The following GPC6 variants were observed in gnomAD, a reference collection of about 807,000 sequenced individuals.
GPC6 encodes the protein glypican-6.
A neutral mutation model predicts 55.2 loss-of-function variants in GPC6; 14 were observed. The observed-to-expected ratio is 0.25, with a 90% CI of 0.17 to 0.40. The LOEUF is 0.40. Ranked by LOEUF, GPC6 falls within the 10% of genes least tolerant of loss-of-function variation. The pLI is 1.00. For missense variants in GPC6, 641 were observed against 708.5 expected (o/e 0.90, Z 1.08); for synonymous variants, 278 against 259.6 (o/e 1.07, Z -0.68).
intron 2 of GPC6, among the ~76,000 whole-genome samples, chr13:93,574,014 T>C (rs921457268): frequency 1.3e-5 from 2 of 152,144 alleles, no homozygotes; most frequent in South Asian, 4.1e-4. Flanking sequence ...ATGCTGTTTT[T>C]ATGGGAGGTG....
At chr13:93,773,101 G>GA (rs1208391262) in intron 2 of GPC6, among the ~76,000 whole-genome samples, 1 of 151,702 alleles carries the variant, frequency 6.6e-6, no homozygotes, top group Non-Finnish European at 1.5e-5. Flanking sequence ...TCAGCAAAAA[G>GA]AAAAAAGAAA....
intron 3 of GPC6, among the ~76,000 whole-genome samples, chr13:93,898,002 G>T (rs113627322): frequency 3.3e-5 from 5 of 152,264 alleles, no homozygotes; most frequent in African/African-American, 1.2e-4. Context: ...TAAACAGCAA[G>T]ATGGCAGCTG....
At chr13:94,015,324 A>G (rs371974729) in intron 3 of GPC6, among the ~76,000 whole-genome samples, 1 of 152,220 alleles carries the variant, frequency 6.6e-6, no homozygotes, top group African/African-American at 2.4e-5. Context: ...CCATTTGCGT[A>G]TCTTCTTTGG....
intron 3 of GPC6, among the ~76,000 whole-genome samples, chr13:93,887,502 A>C (rs1875410978): frequency 6.6e-6 from 1 of 152,136 alleles, no homozygotes; most frequent in South Asian, 2.1e-4. Context: ...ATTCTGTCTT[A>C]CGTGTTATAT....
intron 3 of GPC6, among the ~76,000 whole-genome samples, chr13:94,012,699 T>C (rs1258872716): frequency 6.6e-6 from 1 of 152,188 alleles, no homozygotes; most frequent in Non-Finnish European, 1.5e-5. Flanking sequence ...GCTGTACATG[T>C]TCCTGAGAGA....
intron 1 of GPC6, among the ~76,000 whole-genome samples, chr13:93,268,799 C>T (rs1410349348): frequency 6.6e-6 from 1 of 152,008 alleles, no homozygotes; most frequent in East Asian, 1.9e-4. Context: ...CTCAACCTTC[C>T]ACTCCCAATC....
intron 1 of GPC6, among the ~76,000 whole-genome samples, chr13:93,232,726 T>G (rs1876103309): frequency 6.6e-6 from 1 of 152,160 alleles, no homozygotes; most frequent in Non-Finnish European, 1.5e-5. Context: ...GTGACTAGTG[T>G]TCTTTTAAAA....
chr13:93,298,695 G>A (rs1004037996), intron 1 of GPC6, among the ~76,000 whole-genome samples: 3 of 151,426 alleles, frequency 2.0e-5, no homozygotes, highest in Admixed American at 6.6e-5. Flanking sequence ...CAATTGGCCC[G>A]CCTCAGCCTC....
chr13:93,687,393 A>G (rs1594372369), intron 2 of GPC6, among the ~76,000 whole-genome samples: 1 of 152,100 alleles, frequency 6.6e-6, no homozygotes, highest in Non-Finnish European at 1.5e-5. Flanking sequence ...AAGTAAGCCA[A>G]TTTATGGCTG....
At chr13:93,287,060 A>G (rs558897601) in intron 1 of GPC6, among the ~76,000 whole-genome samples, 1 of 152,326 alleles carries the variant, frequency 6.6e-6, no homozygotes, top group South Asian at 2.1e-4. Context: ...TATGAGGCAT[A>G]TTTGAAACAT....
chr13:94,074,517 T>C (rs1884841762), intron 4 of GPC6, among the ~76,000 whole-genome samples: 1 of 152,234 alleles, frequency 6.6e-6, no homozygotes, highest in African/African-American at 2.4e-5. Flanking sequence ...TTGAATTTTA[T>C]CACCCTTGAG....
intron 6 of GPC6, among the ~76,000 whole-genome samples, chr13:94,341,672 T>A (rs1334591465): frequency 6.6e-6 from 1 of 152,176 alleles, no homozygotes; most frequent in Non-Finnish European, 1.5e-5. Context: ...GGTCTAATAT[T>A]TTCAAACAAA....
chr13:94,293,439 A>G (rs1875118246), intron 5 of GPC6, among the ~76,000 whole-genome samples: 1 of 152,140 alleles, frequency 6.6e-6, no homozygotes, highest in African/African-American at 2.4e-5. Context: ...CCACCATATA[A>G]GACACGCCTG....
chr13:94,062,457 G>A (rs1194755660), intron 4 of GPC6, among the ~76,000 whole-genome samples: 1 of 151,874 alleles, frequency 6.6e-6, no homozygotes, highest in Non-Finnish European at 1.5e-5. Context: ...CACCATGTTA[G>A]CCAAGCTGGT....
intron 4 of GPC6, among the ~76,000 whole-genome samples, chr13:94,088,548 AGGGAAGGGAAGGGCAGGGGAG>A (rs1293750055): frequency 1.8e-4 from 1 of 5,424 alleles, no homozygotes; most frequent in Non-Finnish European, 5.4e-4. Context: ...AAGAGAGGGA[AGGGAAGGGAAGGGCAGGGGAG>A]GGGAAGGGAG....
chr13:93,310,425 C>T (rs1296092104), intron 1 of GPC6, among the ~76,000 whole-genome samples: 1 of 152,130 alleles, frequency 6.6e-6, no homozygotes, highest in African/African-American at 2.4e-5. Context: ...GTGAGCAAAA[C>T]CAGAATCACC....
intron 6 of GPC6, among the ~76,000 whole-genome samples, chr13:94,344,071 A>G (rs1386024227): frequency 1.3e-5 from 2 of 152,178 alleles, no homozygotes; most frequent in Non-Finnish European, 2.9e-5. Context: ...CTCCTCAGAA[A>G]AGAATTAAGG....
At chr13:94,166,256 A>G (rs1026737032) in intron 4 of GPC6, among the ~76,000 whole-genome samples, 1 of 152,254 alleles carries the variant, frequency 6.6e-6, no homozygotes, top group East Asian at 1.9e-4. Flanking sequence ...GATAGCAAAT[A>G]GCCTTTTGGA....
rs1881276257 is a variant in GPC6 at position 93,367,011 on chromosome 13, T to A, written c.160+139395T>A. On this transcript the variant is annotated intron_variant, in intron 1 of 8. Coordinates refer to ENST00000377047, the MANE Select transcript of GPC6 (RefSeq NM_005708.5). The stretch of plus-strand genomic sequence containing the variant: ...ACTATTCTTAATGCTGGGAATGTGC[T>A]GGTGATTACAAAACCAAGTCGCAAC... Among the ~76,000 whole-genome samples, 3 of 152,218 alleles carry A rather than the reference T, an allele frequency of 2.0e-5. No homozygotes were observed. The South Asian group carries it at 6.2e-4, about 32-fold the overall frequency.
Sources: gnomAD v4.1 joint callset for allele counts (sites outside exome capture counted in the v4.1 genomes callset) on GRCh38, gnomAD v4.1.1 for gene constraint, MANE v1.5 for transcripts, NCBI Gene and HGNC (gene_info 2026-07-23, HGNC 2026-07-21) for gene names.